Variants in XKR4 observed in about 807,000 individuals in gnomAD.
XKR4 encodes the protein XK-related protein 4.
XKR4 carries 12 observed loss-of-function variants against 53.9 expected under a neutral mutation model. That is an observed-to-expected ratio of 0.22 (90% CI 0.14 to 0.36). XKR4 has a LOEUF of 0.36. XKR4 is among the 10% of genes least tolerant of loss of function. The pLI is 1.00. For missense variants in XKR4, 799 were observed against 859.5 expected (o/e 0.93, Z 0.88); for synonymous variants, 354 against 362.4 (o/e 0.98, Z 0.26).
chr8:55,505,201 T>A (rs1051243468), intron 2 of XKR4, among the ~76,000 whole-genome samples: 3 of 152,166 alleles, frequency 2.0e-5, no homozygotes, highest in African/African-American at 7.2e-5. Context: ...TGTTTTAGCT[T>A]AGCATTGCTT....
In XKR4 at chr8:55,404,148, G is replaced by A. The variant is rs535619920; in HGVS notation, c.1006+46271G>A. Among the ~76,000 whole-genome samples the A allele has an allele frequency of 3.5e-4, 53 of 152,236 alleles. 1 individual carries two copies. Among genetic ancestry groups the A allele is most frequent in the Admixed American group, 1.6e-3 (25 of 15,288 alleles). On this transcript the variant is annotated intron_variant, in intron 2 of 2. Coordinates refer to ENST00000327381, the MANE Select transcript of XKR4 (RefSeq NM_052898.2). ...AGCATCCTCAGAGTATTCAAAATAC[G>A]AACACTGTTTCTCTTGGTATCTGTT...
At chr8:55,492,531 T>A (rs1228502727) in intron 2 of XKR4, among the ~76,000 whole-genome samples, 21 of 152,230 alleles carry the variant, frequency 1.4e-4, no homozygotes, top group Admixed American at 1.4e-3. Flanking sequence ...ACTGATTGTG[T>A]TCTAGGCAGT....
chr8:55,452,027 C>G, intron 2 of XKR4: 2 of 760,828 alleles, frequency 2.6e-6, no homozygotes, highest in Non-Finnish European at 4.8e-6. Context: ...TAACCAGGTT[C>G]CAGGACAGGG....
chr8:55,174,846 G>A (rs1817210366), intron 1 of XKR4, among the ~76,000 whole-genome samples: 2 of 152,168 alleles, frequency 1.3e-5, no homozygotes, highest in South Asian at 4.1e-4. Flanking sequence ...TCATGGAGCA[G>A]CGTGTGTCAC....
At chr8:55,339,917 G>A (rs1212556635) in intron 1 of XKR4, among the ~76,000 whole-genome samples, 2 of 152,114 alleles carry the variant, frequency 1.3e-5, no homozygotes, top group African/African-American at 4.8e-5. Context: ...CATGAAATCG[G>A]TTGGATTTTC....
At chr8:55,483,909 TC>T (rs2129401502) in intron 2 of XKR4, among the ~76,000 whole-genome samples, 1 of 152,246 alleles carries the variant, frequency 6.6e-6, no homozygotes, top group African/African-American at 2.4e-5. Flanking sequence ...AAAAGCTGGT[TC>T]TTTGAAAAGA....
At chr8:55,203,447 T>C (rs1382324519) in intron 1 of XKR4, among the ~76,000 whole-genome samples, 1 of 152,200 alleles carries the variant, frequency 6.6e-6, no homozygotes, top group African/African-American at 2.4e-5. Flanking sequence ...TCCCTGAAGA[T>C]AAAGATTACT....
intron 1 of XKR4, among the ~76,000 whole-genome samples, chr8:55,149,368 G>A (rs972200609): frequency 3.9e-5 from 6 of 152,108 alleles, no homozygotes; most frequent in Non-Finnish European, 5.9e-5. Flanking sequence ...ACGCTGTGAC[G>A]TAGGAGAATC....
At chr8:55,181,634 A>G (rs1191195083) in intron 1 of XKR4, among the ~76,000 whole-genome samples, 1 of 152,206 alleles carries the variant, frequency 6.6e-6, no homozygotes, top group African/African-American at 2.4e-5. Flanking sequence ...TAATCCTATT[A>G]GAAGCCTGCT....
intron 2 of XKR4, among the ~76,000 whole-genome samples, chr8:55,521,324 CAT>C (rs1317790892): frequency 9.9e-5 from 15 of 152,232 alleles, no homozygotes; most frequent in African/African-American, 2.2e-4. Flanking sequence ...AAGATGTTCG[CAT>C]AGTCATTATC....
chr8:55,332,863 A>G (rs1408211602), intron 1 of XKR4, among the ~76,000 whole-genome samples: 1 of 148,908 alleles, frequency 6.7e-6, no homozygotes, highest in Non-Finnish European at 1.5e-5. Context: ...CATAATATGT[A>G]TGTTAGTTTG....
intron 2 of XKR4, among the ~76,000 whole-genome samples, chr8:55,467,164 G>T (rs946546054): frequency 2.0e-5 from 3 of 152,098 alleles, no homozygotes; most frequent in Non-Finnish European, 2.9e-5. Flanking sequence ...AGCTCCTAGA[G>T]CTCAGTCACC....
Position 55,397,561 on chromosome 8 carries a change from G to A in XKR4, c.1006+39684G>A, listed in dbSNP as rs553450245. ...GGGCTGTGACCTTGCCTCCACTGGA[G>A]CTGTGCCCTTAACGAAGTTCAATGT... On this transcript the variant is annotated intron_variant, in intron 2 of 2. Coordinates refer to ENST00000327381, the MANE Select transcript of XKR4 (RefSeq NM_052898.2). Among the ~76,000 whole-genome samples, 6 of 150,468 alleles carry A rather than the reference G, an allele frequency of 4.0e-5. No homozygotes were observed. In the East Asian group the frequency reaches 1.2e-3, roughly 29 times the overall value.
At chr8:55,372,165 G>A (rs1804077414) in intron 2 of XKR4, among the ~76,000 whole-genome samples, 2 of 152,178 alleles carry the variant, frequency 1.3e-5, no homozygotes, top group South Asian at 4.1e-4. Flanking sequence ...ATCCTGTTTG[G>A]AACAAAGAAG....
intron 2 of XKR4, chr8:55,451,628 A>AG: frequency 1.3e-6 from 2 of 1,541,778 alleles, no homozygotes; most frequent in Non-Finnish European, 8.8e-7. Context: ...CGGTAGCAGT[A>AG]GGACACGCGC....
chr8:55,149,922 C>T (rs1400427294), intron 1 of XKR4, among the ~76,000 whole-genome samples: 1 of 152,156 alleles, frequency 6.6e-6, no homozygotes, highest in Non-Finnish European at 1.5e-5. Flanking sequence ...CATATTGACA[C>T]ATTCTTTATA....
chr8:55,391,771 A>G (rs1804446267), intron 2 of XKR4, among the ~76,000 whole-genome samples: 1 of 152,238 alleles, frequency 6.6e-6, no homozygotes, highest in Non-Finnish European at 1.5e-5. Context: ...ATATGAATTT[A>G]TCTATAGGCC....
At chr8:55,211,302 T>C (rs1188953155) in intron 1 of XKR4, among the ~76,000 whole-genome samples, 1 of 152,222 alleles carries the variant, frequency 6.6e-6, no homozygotes, top group Non-Finnish European at 1.5e-5. Context: ...GCCATTTTGT[T>C]CTTTATATTT....
intron 2 of XKR4, among the ~76,000 whole-genome samples, chr8:55,496,117 C>T (rs558932928): frequency 1.7e-4 from 26 of 152,150 alleles, no homozygotes; most frequent in Non-Finnish European, 2.5e-4. Flanking sequence ...AGTGGGACAC[C>T]GTAGGCATTT....
Sources: allele counts gnomAD v4.1 joint callset (sites outside exome capture counted in the v4.1 genomes callset), GRCh38; gene constraint gnomAD v4.1.1; transcripts MANE v1.5; gene names NCBI Gene and HGNC (gene_info 2026-07-23, HGNC 2026-07-21).